RALGDS: variants seen among roughly 807,000 people sequenced by gnomAD.
RALGDS encodes the protein ral guanine nucleotide exchange factor.
Under a neutral mutation model 99.8 loss-of-function variants are expected in RALGDS, and 44 were observed. That is an observed-to-expected ratio of 0.44 (90% CI 0.35 to 0.57). The LOEUF is 0.57. RALGDS is among the 20% of genes least tolerant of loss of function. The pLI, the probability that RALGDS is intolerant of heterozygous loss-of-function variation, is 0.01. For missense variants in RALGDS, 1,022 were observed against 1,203.1 expected, an observed-to-expected ratio of 0.85 and a Z score of 2.23; for synonymous variants, 529 against 505.0, an observed-to-expected ratio of 1.05 and a Z score of -0.64.
intron 1 of RALGDS, among the ~76,000 whole-genome samples, chr9:133,145,319 A>G (rs1416111339): frequency 3.3e-5 from 5 of 151,952 alleles, no homozygotes; most frequent in Admixed American, 3.3e-4. Flanking sequence ...CTCTGTGCCC[A>G]CGCACTCCCC....
chr9:133,120,858 G>A (rs1831894821), intron 1 of RALGDS, 114 bp downstream of exon 1: 1 of 1,191,992 alleles, frequency 8.4e-7, no homozygotes, highest in Admixed American at 4.2e-5. Context: ...AGAGGAGGGA[G>A]GCGGCCCGCT....
chr9:133,102,251 A>T, intron 14 of RALGDS, 112 bp from the exon 15 acceptor site: 2 of 1,223,586 alleles, frequency 1.6e-6, no homozygotes, highest in Non-Finnish European at 2.3e-6. Context: ...AGTTGCCAGT[A>T]CTCCATTCAC....
chr9:133,116,698 G>A (rs1831624724), intron 1 of RALGDS, among the ~76,000 whole-genome samples: 1 of 152,264 alleles, frequency 6.6e-6, no homozygotes, highest in Non-Finnish European at 1.5e-5. Context: ...CTTCCTGGGT[G>A]CAAGGCCCTT....
At chr9:133,107,355 TG>T in intron 6 of RALGDS, 55 bp from the exon 7 acceptor site, 1 of 1,477,514 alleles carries the variant, frequency 6.8e-7, no homozygotes. Flanking sequence ...GGGCTGGTGC[TG>T]GGGAAGCTGA....
At position 133,107,218 on chromosome 9, in the gene RALGDS, G is replaced by A. The variant is rs753812769; in HGVS notation, c.1280C>T (p.Ala427Val). 13 of 1,613,620 alleles carry A rather than the reference G, an allele frequency of 8.1e-6. No individual in the cohort carries two copies. The highest frequency in any genetic ancestry group is 4.5e-5 in the East Asian group (2 of 44,886). Residue 427 changes from alanine (A) to valine (V), a missense_variant, in exon 7 of 18, where the codon GCG (alanine) becomes GTG (valine). Ala to Val is a moderately conservative substitution (Grantham distance 64, BLOSUM62 0). Transcript: ENST00000372050. ...QRDKKGKEHL[A>V]PTIRATVTQF... Reference sequence around the variant, plus strand: ...GGTGACAGTGGCGCGGATGGTGGGCGCCAGGTGCTCCTTGCCCTTCTTGTC... The same window carrying A: ...GGTGACAGTGGCGCGGATGGTGGGCACCAGGTGCTCCTTGCCCTTCTTGTC...
intron 1 of RALGDS, among the ~76,000 whole-genome samples, chr9:133,114,883 T>G (rs1831524026): frequency 6.6e-6 from 1 of 152,150 alleles, no homozygotes. Context: ...GTCAGTGCAG[T>G]GAGGGTGGCA....
chr9:133,098,911 C>T lies in RALGDS; in HGVS notation c.2570-149G>A, dbSNP rs1015387533. On this transcript the variant is annotated intron_variant, in intron 17 of 17. Transcript: ENST00000372050. ...GCTCCAGAACTCCAAGGACCCCTCT[C>T]AATGACTCCTGCCTGAGGACAGACT... 5.0e-5 allele frequency: 36 copies of T among 719,830 alleles called. No individual in the cohort carries two copies. The African/African-American group carries it at 6.1e-4, about 12-fold the overall frequency. The allele number at this position is 719,830 out of a possible 1,614,324, so 44.6% of individuals were successfully genotyped here.
At chr9:133,108,436 C>G in intron 5 of RALGDS, 30 bp from the exon 6 acceptor site, 1 of 1,526,888 alleles carries the variant, frequency 6.5e-7, no homozygotes, top group South Asian at 1.2e-5. Context: ...CAACAACATG[C>G]CAGCCTTTCC....
upstream of RALGDS, among the ~76,000 whole-genome samples, chr9:133,135,192 G>C (rs1308241674): frequency 6.6e-6 from 1 of 152,184 alleles, no homozygotes; most frequent in Non-Finnish European, 1.5e-5. Flanking sequence ...GGAGACCCGG[G>C]GACTCCCAGG....
chr9:133,127,183 G>A (rs887496790), intron 1 of RALGDS, among the ~76,000 whole-genome samples: 3 of 152,264 alleles, frequency 2.0e-5, no homozygotes, highest in Non-Finnish European at 4.4e-5. Flanking sequence ...CCTTCAAGTC[G>A]GGACCCAGGC....
chr9:133,126,531 C>T (rs983324882), intron 1 of RALGDS, among the ~76,000 whole-genome samples: 3 of 152,240 alleles, frequency 2.0e-5, no homozygotes, highest in Admixed American at 6.5e-5. Context: ...CAAGTGCCGC[C>T]GGAAGCTGAC....
At position 133,101,662 on chromosome 9, in the gene RALGDS, G is replaced by A; in HGVS notation, c.2312C>T (p.Ala771Val). ...GACAGAGCGCTTGTGGGTGCGTGTGGCAGCCACGGGCGTGGTGGAGGCTGA... is the reference window on the plus strand; with the variant it reads ...GACAGAGCGCTTGTGGGTGCGTGTGACAGCCACGGGCGTGGTGGAGGCTGA... ...SSSASTTPVAATRTHKRSVSG... is the reference protein window; with the variant it reads ...SSSASTTPVAVTRTHKRSVSG... The change falls in exon 16 of 18, where the codon GCC becomes GTC. Residue 771 changes from alanine (A) to valine (V), a missense_variant. By Grantham distance (64) the Ala-to-Val change is moderately conservative. Transcript: ENST00000372050. 1 of 1,613,838 alleles carries A rather than the reference G, an allele frequency of 6.2e-7. No homozygotes were observed.
chr9:133,105,210 G>A (rs1301291550), intron 9 of RALGDS, among the ~76,000 whole-genome samples: 1 of 152,194 alleles, frequency 6.6e-6, no homozygotes, highest in Non-Finnish European at 1.5e-5. Flanking sequence ...GTCCACGCAG[G>A]AGGGGGGCCC....
Position 133,100,370 on chromosome 9 carries a change from C to T in RALGDS, c.2467G>A (p.Asp823Asn). ...MYKSILVTSQ[D>N]KAPAVIRKAM... ...TTGCGGATTACAGCCGGAGCCTTAT[C>T]TTGGCTGGTCACCTGCATCGCGGCG... The change falls in exon 17 of 18, where the codon GAT (aspartate) becomes AAT (asparagine). Residue 823 changes from aspartate (D) to asparagine (N), a missense_variant. Asp to Asn is a conservative substitution (Grantham distance 23). Coordinates refer to ENST00000372050, the MANE Select transcript of RALGDS (RefSeq NM_006266.4). 1 of 1,614,172 alleles carries T rather than the reference C, an allele frequency of 6.2e-7. No homozygotes were observed. The highest frequency in any genetic ancestry group is 8.5e-7 in the Non-Finnish European group (1 of 1,180,016).
intron 1 of RALGDS, among the ~76,000 whole-genome samples, chr9:133,141,050 T>C (rs1832513054): frequency 6.6e-6 from 1 of 152,156 alleles, no homozygotes; most frequent in Admixed American, 6.5e-5. Context: ...CCCTTGCCCA[T>C]TTGACAGATG....
intron 2 of RALGDS, 31 bp downstream of exon 2, chr9:133,112,011 G>T: frequency 6.7e-7 from 1 of 1,492,668 alleles, no homozygotes; most frequent in Non-Finnish European, 9.1e-7. Context: ...CCCCAGCTGC[G>T]TCTCCCAGTG....
Position 133,100,304 on chromosome 9 carries a change from C to G in RALGDS, c.2533G>C (p.Asp845His), listed in dbSNP as rs760843215. The G allele has an allele frequency of 6.2e-7, 1 of 1,614,226 alleles. No individual in the cohort carries two copies. The highest frequency in any genetic ancestry group is 8.5e-7 in the Non-Finnish European group (1 of 1,180,030). Reference sequence around the variant, plus strand: ...GAGAGAATCTGCAGCAGCTCATAGTCCTCCGGCTCCTCCTCCTCCAGGTTG... The same window carrying G: ...GAGAGAATCTGCAGCAGCTCATAGTGCTCCGGCTCCTCCTCCTCCAGGTTG... ...KHNLEEEEPE[D>H]YELLQILSDD... Residue 845 changes from aspartate (D) to histidine (H), a missense_variant, in exon 17 of 18, where the codon GAC (aspartate) becomes CAC (histidine). By Grantham distance (81) the Asp-to-His change is moderately conservative (BLOSUM62 -1). Around this residue, in one of 3 missense-constraint regions of RALGDS, gnomAD observed 825 missense variants for 994.5 expected, o/e 0.83. Coordinates refer to ENST00000372050, the MANE Select transcript of RALGDS (RefSeq NM_006266.4).
intron 6 of RALGDS, among the ~76,000 whole-genome samples, chr9:133,107,539 T>TC (rs1166851738): frequency 6.8e-6 from 1 of 148,144 alleles, no homozygotes. Context: ...CCACCCCCCA[T>TC]CCCCCCGCCT....
chr9:133,103,180 G>C, intron 12 of RALGDS, 50 bp downstream of exon 12: 1 of 1,604,864 alleles, frequency 6.2e-7, no homozygotes, highest in Non-Finnish European at 8.5e-7. Context: ...CTACCCTGGT[G>C]GGTCTGTTTT....
Sources: allele counts gnomAD v4.1 joint callset (sites outside exome capture counted in the v4.1 genomes callset), GRCh38; gene constraint gnomAD v4.1.1; regional missense constraint gnomAD v4.1.1; transcripts MANE v1.5; gene names NCBI Gene and HGNC (gene_info 2026-07-23, HGNC 2026-07-21).